KCNIP4: variants seen among roughly 807,000 people sequenced by gnomAD.
KCNIP4 encodes the protein Kv channel-interacting protein 4.
Under a neutral mutation model 34.0 loss-of-function variants are expected in KCNIP4, and 12 were observed. The observed-to-expected ratio is 0.35, with a 90% CI of 0.23 to 0.57. KCNIP4 has a LOEUF of 0.57. Ranked by LOEUF, KCNIP4 falls within the 20% of genes least tolerant of loss-of-function variation. The pLI, the probability that KCNIP4 is intolerant of heterozygous loss-of-function variation, is 0.83. For missense variants in KCNIP4, 238 were observed against 311.7 expected, an observed-to-expected ratio of 0.76 and a Z score of 1.78; for synonymous variants, 124 against 102.2, an observed-to-expected ratio of 1.21 and a Z score of -1.29.
intron 1 of KCNIP4, among the ~76,000 whole-genome samples, chr4:21,495,641 C>T (rs1347833422): frequency 2.0e-5 from 3 of 151,832 alleles, no homozygotes; most frequent in African/African-American, 7.3e-5. Context: ...GAACTCAACA[C>T]ACCCTTTGCA....
intron 1 of KCNIP4, among the ~76,000 whole-genome samples, chr4:20,975,882 A>G (rs1735440031): frequency 1.3e-5 from 2 of 152,212 alleles, no homozygotes; most frequent in Non-Finnish European, 2.9e-5. Flanking sequence ...ATTGTGACAT[A>G]TGAAAATTGT....
At chr4:21,111,536 A>T (rs1749166603) in intron 1 of KCNIP4, among the ~76,000 whole-genome samples, 1 of 152,196 alleles carries the variant, frequency 6.6e-6, no homozygotes, top group South Asian at 2.1e-4. Context: ...GAACAGAAAA[A>T]GTCTCCTGCC....
intron 1 of KCNIP4, among the ~76,000 whole-genome samples, chr4:21,225,495 C>T (rs1240880187): frequency 2.6e-5 from 4 of 152,158 alleles, no homozygotes; most frequent in Non-Finnish European, 5.9e-5. Context: ...GTGATTATAA[C>T]TATTGTAATT....
chr4:20,913,493 A>C (rs1271159546), intron 1 of KCNIP4, among the ~76,000 whole-genome samples: 1 of 152,182 alleles, frequency 6.6e-6, no homozygotes, highest in Non-Finnish European at 1.5e-5. Flanking sequence ...AATATACTAA[A>C]AACCACTGGA....
intron 3 of KCNIP4, among the ~76,000 whole-genome samples, chr4:20,827,927 G>A (rs1717956502): frequency 1.4e-5 from 2 of 145,054 alleles, no homozygotes; most frequent in Admixed American, 1.4e-4. Context: ...TCTCTATTAG[G>A]GTAATAAAAT....
At chr4:21,822,868 C>A (rs1317953181) in intron 1 of KCNIP4, among the ~76,000 whole-genome samples, 1 of 152,010 alleles carries the variant, frequency 6.6e-6, no homozygotes, top group Non-Finnish European at 1.5e-5. Flanking sequence ...CAGGTGCCCA[C>A]CACCATGCCC....
chr4:21,285,776 G>A (rs1319950378), intron 1 of KCNIP4, among the ~76,000 whole-genome samples: 3 of 152,138 alleles, frequency 2.0e-5, no homozygotes, highest in Non-Finnish European at 4.4e-5. Context: ...AGGAGGCAGA[G>A]GTTGCACTCA....
intron 1 of KCNIP4, among the ~76,000 whole-genome samples, chr4:21,481,807 T>G (rs1454674142): frequency 6.6e-6 from 1 of 152,126 alleles, no homozygotes; most frequent in Non-Finnish European, 1.5e-5. Context: ...ACATCTCAGA[T>G]GTATTAGAGG....
chr4:21,649,756 A>T (rs1479956268), intron 1 of KCNIP4, among the ~76,000 whole-genome samples: 1 of 152,208 alleles, frequency 6.6e-6, no homozygotes, highest in Non-Finnish European at 1.5e-5. Context: ...ATTTTCTCCA[A>T]ATGCACTTGG....
At chr4:21,307,718 C>T (rs1468598095) in intron 1 of KCNIP4, among the ~76,000 whole-genome samples, 6 of 152,150 alleles carry the variant, frequency 3.9e-5, no homozygotes, top group Non-Finnish European at 7.4e-5. Context: ...CTGTTACCAG[C>T]ATGCCTCCTC....
chr4:21,426,033 G>T (rs1303892950), intron 1 of KCNIP4, among the ~76,000 whole-genome samples: 10 of 152,058 alleles, frequency 6.6e-5, no homozygotes, highest in Non-Finnish European at 1.5e-5. Flanking sequence ...ACTCCAGCCT[G>T]GGCGACAGAG....
chr4:21,150,740 T>C (rs1752696534), intron 1 of KCNIP4, among the ~76,000 whole-genome samples: 1 of 152,206 alleles, frequency 6.6e-6, no homozygotes, highest in African/African-American at 2.4e-5. Flanking sequence ...AGCCCCACAT[T>C]CTGTAATTCT....
At chr4:21,920,903 G>A (rs768018259) in intron 1 of KCNIP4, among the ~76,000 whole-genome samples, 3 of 149,780 alleles carry the variant, frequency 2.0e-5, no homozygotes, top group Non-Finnish European at 4.4e-5. Flanking sequence ...CTTCCTAGAA[G>A]CTGTCTAGTT....
rs576454080 is a variant in KCNIP4, at chr4:21,691,372, T to C, written c.61+257199A>G. 2.0e-5 allele frequency among the ~76,000 whole-genome samples: 3 copies of C among 152,264 alleles called. No homozygotes were observed. In the East Asian group the frequency reaches 5.8e-4, roughly 29 times the overall value. Reference sequence around the variant, plus strand: ...GGAAGCTTTCTAGACACAGGTTTCCTCTCCAGGCTCTGGAAATGGTTCCTA... The same window carrying C: ...GGAAGCTTTCTAGACACAGGTTTCCCCTCCAGGCTCTGGAAATGGTTCCTA... On this transcript the variant is annotated intron_variant, in intron 1 of 8. Coordinates refer to ENST00000382152, the MANE Select transcript of KCNIP4 (RefSeq NM_025221.6).
At chr4:21,281,243 C>T (rs1224744907) in intron 1 of KCNIP4, among the ~76,000 whole-genome samples, 15 of 151,940 alleles carry the variant, frequency 9.9e-5, no homozygotes, top group Non-Finnish European at 1.5e-4. Context: ...CGCACCACCA[C>T]GCCCAGCTAA....
intron 1 of KCNIP4, among the ~76,000 whole-genome samples, chr4:21,739,540 C>T (rs997437541): frequency 1.3e-5 from 2 of 151,846 alleles, no homozygotes; most frequent in African/African-American, 2.4e-5. Context: ...ATCATGAAAA[C>T]TTATATTGAA....
intron 1 of KCNIP4, among the ~76,000 whole-genome samples, chr4:20,989,504 T>C (rs1478416948): frequency 2.0e-5 from 3 of 152,006 alleles, no homozygotes; most frequent in Non-Finnish European, 4.4e-5. Flanking sequence ...AGAAGTAAAA[T>C]TCTAGAAGGA....
At chr4:20,855,086 T>C (rs1721434070) in intron 2 of KCNIP4, among the ~76,000 whole-genome samples, 1 of 152,194 alleles carries the variant, frequency 6.6e-6, no homozygotes, top group South Asian at 2.1e-4. Context: ...TATTTGTCCA[T>C]AGAACCTTTC....
At chr4:21,077,298 C>T (rs372457411) in intron 1 of KCNIP4, among the ~76,000 whole-genome samples, 4 of 151,958 alleles carry the variant, frequency 2.6e-5, no homozygotes, top group Admixed American at 2.6e-4. Context: ...CTATAATGTT[C>T]GCTTATCTCA....
Sources: gnomAD v4.1 joint callset for allele counts (sites outside exome capture counted in the v4.1 genomes callset) on GRCh38, gnomAD v4.1.1 for gene constraint, MANE v1.5 for transcripts, NCBI Gene and HGNC (gene_info 2026-07-23, HGNC 2026-07-21) for gene names.